Variants in ZFAT observed in about 807,000 individuals in gnomAD.
ZFAT encodes the protein zinc finger and AT-hook domain containing.
In ZFAT, 64 loss-of-function variants were observed where a neutral mutation model predicts 117.7. That is an observed-to-expected ratio of 0.54 (90% CI 0.44 to 0.67). The LOEUF is 0.67. ZFAT is among the 30% of genes least tolerant of loss of function. The pLI is 0.00. For synonymous variants in ZFAT, 679 were observed against 615.0 expected, an observed-to-expected ratio of 1.10 and a Z score of -1.54; for missense variants, 1,433 against 1,584.5, an observed-to-expected ratio of 0.90 and a Z score of 1.62.
chr8:134,746,657 T>G, the ZFAT span, among the ~76,000 whole-genome samples: 1 of 152,186 alleles, frequency 6.6e-6, no homozygotes, highest in Admixed American at 6.5e-5. Flanking sequence ...AGTCTGAATC[T>G]CCAATGCAGT....
chr8:134,817,765 G>A, the ZFAT span, among the ~76,000 whole-genome samples: 1 of 151,990 alleles, frequency 6.6e-6, no homozygotes, highest in African/African-American at 2.4e-5. Context: ...AAAGAAAATT[G>A]GAAGACTACA....
At chr8:134,788,719 T>C in the ZFAT span, among the ~76,000 whole-genome samples, 2 of 152,152 alleles carry the variant, frequency 1.3e-5, no homozygotes, top group African/African-American at 4.8e-5. Flanking sequence ...TCTTCTTATA[T>C]GTCATTCGTG....
the ZFAT span, among the ~76,000 whole-genome samples, chr8:134,718,392 G>T: frequency 1.1e-4 from 16 of 152,072 alleles, no homozygotes; most frequent in Admixed American, 4.6e-4. Flanking sequence ...CAGCTACTTG[G>T]GAGGCTGAGG....
intron 2 of ZFAT, 122 bp from the exon 3 acceptor site, chr8:134,637,834 A>T: frequency 7.4e-7 from 1 of 1,347,072 alleles, no homozygotes; most frequent in South Asian, 1.5e-5. Context: ...AAAAGTCTAA[A>T]GTGATTCCAG....
At chr8:134,544,716 A>G (rs1286500863) in intron 11 of ZFAT, among the ~76,000 whole-genome samples, 1 of 151,950 alleles carries the variant, frequency 6.6e-6, no homozygotes, top group African/African-American at 2.4e-5. Flanking sequence ...CAGCTAAAAA[A>G]CATATGAAAA....
chr8:134,653,206 A>G (rs1016487540), intron 2 of ZFAT, among the ~76,000 whole-genome samples: 1 of 142,860 alleles, frequency 7.0e-6, no homozygotes, highest in African/African-American at 2.6e-5. Flanking sequence ...TTTAGGGTAC[A>G]TGTGCACAAC....
chr8:134,512,617 G>A lies in ZFAT; in HGVS notation c.3235-16C>T, dbSNP rs767483167. ...CTGTTGCTGTCTAAATAAAAACATA[G>A]TACCTAAGTCATCTCCTAAAAGATT... On this transcript the variant is annotated splice_polypyrimidine_tract_variant and intron_variant, in intron 13 of 15. Coordinates refer to ENST00000377838, the MANE Select transcript of ZFAT (RefSeq NM_020863.4). 3.1e-6 allele frequency: 5 copies of A among 1,610,400 alleles called. No individual in the cohort carries two copies. Among genetic ancestry groups the A allele is most frequent in the Non-Finnish European group, 4.2e-6 (5 of 1,178,738 alleles).
At chr8:134,480,415 C>T (rs1817217829) in intron 15 of ZFAT, among the ~76,000 whole-genome samples, 1 of 152,258 alleles carries the variant, frequency 6.6e-6, no homozygotes, top group African/African-American at 2.4e-5. Flanking sequence ...CTGGTCACAA[C>T]TGTTTCCCCA....
At chr8:134,742,693 GC>G in the ZFAT span, among the ~76,000 whole-genome samples, 4 of 152,156 alleles carry the variant, frequency 2.6e-5, no homozygotes, top group East Asian at 7.7e-4. Context: ...GTGAGCTCTG[GC>G]CCCCTGTGCT....
intron 15 of ZFAT, among the ~76,000 whole-genome samples, chr8:134,492,748 T>C (rs1271347070): frequency 1.3e-5 from 2 of 152,212 alleles, no homozygotes; most frequent in South Asian, 2.1e-4. Context: ...CCTGAATTTA[T>C]AGAGGAAAGA....
Position 134,601,923 on chromosome 8 carries a change from A to G in ZFAT, c.1796T>C (p.Leu599Ser). ...CTCTGCGGAGGAGGTATCATTTTTC[A>G]ACAAAAAATCATCTGAAACCACCTC... ...SQEVVSDDFL[L>S]KNDTSSAEAH... The change falls in exon 6 of 16, where the codon TTG becomes TCG. Residue 599 changes from leucine (L) to serine (S), a missense_variant. Physicochemically the swap from Leu to Ser is moderately radical, Grantham distance 145 (BLOSUM62 -2). Transcript: ENST00000377838. 3 of 1,614,046 alleles carry G rather than the reference A, an allele frequency of 1.9e-6. No individual in the cohort carries two copies. Among genetic ancestry groups the G allele is most frequent in the Non-Finnish European group, 2.5e-6 (3 of 1,179,980 alleles).
the ZFAT span, among the ~76,000 whole-genome samples, chr8:134,790,855 A>G: frequency 3.9e-5 from 6 of 152,048 alleles, no homozygotes; most frequent in Non-Finnish European, 8.8e-5. Flanking sequence ...TCTCTACAAA[A>G]ATTTTAAAAA....
In ZFAT at chr8:134,601,822, G is replaced by C; in HGVS notation, c.1897C>G (p.Leu633Val). ...SVQTQGEVIT[L>V]LLSKAQSAGS... ...GCACTCTGGGCCTTGGACAGCAGTA[G>C]TGTGATCACTTCACCTTGCGTCTGG... The change falls in exon 6 of 16, where the codon CTA becomes GTA. Residue 633 changes from leucine (L) to valine (V), a missense_variant. Leu to Val is a conservative substitution (Grantham distance 32). Transcript: ENST00000377838. The C allele has an allele frequency of 6.2e-7, 1 of 1,613,660 alleles. No individual in the cohort carries two copies. The highest frequency in any genetic ancestry group is 8.5e-7 in the Non-Finnish European group (1 of 1,179,756).
the ZFAT span, among the ~76,000 whole-genome samples, chr8:134,756,274 C>T: frequency 1.5e-3 from 226 of 152,360 alleles, no homozygotes; most frequent in African/African-American, 5.2e-3. Context: ...AATATTTTAC[C>T]ATGGGCCCTC....
chr8:134,739,623 A>AGCTCCT, the ZFAT span, among the ~76,000 whole-genome samples: 1 of 152,202 alleles, frequency 6.6e-6, no homozygotes, highest in Non-Finnish European at 1.5e-5. Flanking sequence ...GAGATACAGG[A>AGCTCCT]TATAGCCTTT....
intron 11 of ZFAT, among the ~76,000 whole-genome samples, chr8:134,555,008 G>A (rs1296531392): frequency 3.9e-5 from 6 of 152,186 alleles, no homozygotes; most frequent in African/African-American, 1.2e-4. Flanking sequence ...ATGACTCACT[G>A]AGAAGACTTG....
At chr8:134,521,288 T>C (rs1820635720) in intron 12 of ZFAT, among the ~76,000 whole-genome samples, 3 of 152,200 alleles carry the variant, frequency 2.0e-5, no homozygotes, top group South Asian at 2.1e-4. Flanking sequence ...CTAAGATAAG[T>C]AACATAATTC....
chr8:134,620,869 C>T (rs574044642), intron 3 of ZFAT, among the ~76,000 whole-genome samples: 4 of 152,200 alleles, frequency 2.6e-5, no homozygotes, highest in East Asian at 3.9e-4. Context: ...ATAAGGACAC[C>T]GAAGGGAGCC....
At chr8:134,810,543 G>T in the ZFAT span, among the ~76,000 whole-genome samples, 140 of 152,186 alleles carry the variant, frequency 9.2e-4, no homozygotes, top group Middle Eastern at 3.4e-3. Context: ...CCTTCATAAA[G>T]TCTGACTATT....
Sources: gnomAD v4.1 joint callset for allele counts (sites outside exome capture counted in the v4.1 genomes callset) on GRCh38, gnomAD v4.1.1 for gene constraint, MANE v1.5 for transcripts, NCBI Gene and HGNC (gene_info 2026-07-23, HGNC 2026-07-21) for gene names.